DLG2: variants seen among roughly 807,000 people sequenced by gnomAD.
DLG2 encodes discs large MAGUK scaffold protein 2.
A neutral mutation model predicts 132.5 loss-of-function variants in DLG2; 45 were observed. The observed-to-expected ratio is 0.34, with a 90% confidence interval of 0.27 to 0.44. The LOEUF is 0.44. DLG2 is among the 20% of genes least tolerant of loss of function. DLG2 has a pLI of 1.00. For missense variants in DLG2, 1,045 were observed against 1,196.9 expected (o/e 0.87, Z 1.87); for synonymous variants, 424 against 419.6 (o/e 1.01, Z -0.13).
chr11:85,590,156 ATG>A (rs2079221566), intron 3 of DLG2, among the ~76,000 whole-genome samples: 1 of 152,138 alleles, frequency 6.6e-6, no homozygotes, highest in Admixed American at 6.6e-5. Context: ...CCAGAGCCTA[ATG>A]TGGTGTCTCT....
chr11:84,252,979 C>G (rs2097408722), intron 7 of DLG2, among the ~76,000 whole-genome samples: 1 of 152,102 alleles, frequency 6.6e-6, no homozygotes, highest in South Asian at 2.1e-4. Flanking sequence ...AAACAAATAG[C>G]AATCCAGCAG....
chr11:83,546,201 G>GA (rs1422867081), intron 19 of DLG2, among the ~76,000 whole-genome samples: 1 of 152,014 alleles, frequency 6.6e-6, no homozygotes, highest in Non-Finnish European at 1.5e-5. Flanking sequence ...GAGATACCTG[G>GA]GTACCCTAAC....
chr11:83,658,036 G>A (rs1054407204), intron 18 of DLG2, among the ~76,000 whole-genome samples: 3 of 152,132 alleles, frequency 2.0e-5, no homozygotes, highest in African/African-American at 7.2e-5. Flanking sequence ...AACCAGTCTT[G>A]GCTGCATGGT....
chr11:83,992,959 A>G (rs186156588), intron 11 of DLG2, among the ~76,000 whole-genome samples: 2 of 152,278 alleles, frequency 1.3e-5, no homozygotes, highest in African/African-American at 4.8e-5. Flanking sequence ...AATTGCTTAG[A>G]GAATTGCATA....
chr11:84,557,019 T>G (rs1457830377), intron 6 of DLG2, among the ~76,000 whole-genome samples: 1 of 152,174 alleles, frequency 6.6e-6, no homozygotes, highest in Non-Finnish European at 1.5e-5. Flanking sequence ...TCCCCTGAGG[T>G]AATTGTGGAA....
intron 4 of DLG2, among the ~76,000 whole-genome samples, chr11:85,269,714 C>T (rs981219065): frequency 2.6e-5 from 4 of 152,122 alleles, no homozygotes; most frequent in African/African-American, 9.7e-5. Flanking sequence ...GCCAAGCCCA[C>T]ACAAAGAGAG....
At chr11:83,581,105 T>A (rs909790554) in intron 19 of DLG2, among the ~76,000 whole-genome samples, 1 of 151,786 alleles carries the variant, frequency 6.6e-6, no homozygotes, top group African/African-American at 2.4e-5. Flanking sequence ...AACCTCCAAA[T>A]GAAGAGGGTG....
At chr11:83,840,253 C>G (rs2057252394) in intron 16 of DLG2, among the ~76,000 whole-genome samples, 1 of 152,192 alleles carries the variant, frequency 6.6e-6, no homozygotes. Flanking sequence ...CTCATACCTT[C>G]TTCTCAAGAA....
intron 11 of DLG2, among the ~76,000 whole-genome samples, chr11:84,027,891 G>C (rs1030507697): frequency 2.6e-5 from 4 of 151,880 alleles, no homozygotes; most frequent in Non-Finnish European, 4.4e-5. Flanking sequence ...TAAAATGTTT[G>C]TATATTTGAT....
At chr11:84,080,656 C>G (rs973310978) in intron 10 of DLG2, among the ~76,000 whole-genome samples, 4 of 152,064 alleles carry the variant, frequency 2.6e-5, no homozygotes, top group African/African-American at 7.2e-5. Context: ...ACAGGGGAAA[C>G]AGCTAATAAT....
At chr11:84,694,820 G>C (rs754801814) in intron 6 of DLG2, among the ~76,000 whole-genome samples, 1 of 151,506 alleles carries the variant, frequency 6.6e-6, no homozygotes, top group Non-Finnish European at 1.5e-5. Context: ...TTGTAATACA[G>C]AGTGGGGGTG....
chr11:83,965,033 T>A (rs546245249), intron 13 of DLG2, among the ~76,000 whole-genome samples: 1 of 152,112 alleles, frequency 6.6e-6, no homozygotes, highest in East Asian at 1.9e-4. Flanking sequence ...TTTAGGAGCT[T>A]GAGAAATAGC....
intron 7 of DLG2, among the ~76,000 whole-genome samples, chr11:84,412,678 ACT>A (rs2098913148): frequency 6.6e-6 from 1 of 152,162 alleles, no homozygotes; most frequent in Admixed American, 6.6e-5. Context: ...ACCCTTCCTT[ACT>A]GGCTGTTCCC....
intron 6 of DLG2, among the ~76,000 whole-genome samples, chr11:85,049,298 G>A (rs1011713714): frequency 1.3e-5 from 2 of 151,930 alleles, no homozygotes; most frequent in African/African-American, 4.8e-5. Context: ...GTAGATTTTA[G>A]GAGTATTTAA....
intron 18 of DLG2, among the ~76,000 whole-genome samples, chr11:83,712,295 G>A (rs2153664991): frequency 6.6e-6 from 1 of 152,228 alleles, no homozygotes; most frequent in Admixed American, 6.5e-5. Flanking sequence ...TAAAGAAAAT[G>A]TCGTACATAT....
At chr11:85,277,252 T>C (rs1309810371) in intron 4 of DLG2, among the ~76,000 whole-genome samples, 1 of 152,158 alleles carries the variant, frequency 6.6e-6, no homozygotes, top group African/African-American at 2.4e-5. Context: ...GAAGACCAGT[T>C]AAAGCTTGTT....
chr11:85,200,074 C>T lies in DLG2; in HGVS notation c.187-45423G>A, dbSNP rs186274372. Among the ~76,000 whole-genome samples, 350 of 152,100 alleles carry T rather than the reference C, an allele frequency of 2.3e-3. 2 individuals carry two copies. The highest frequency in any genetic ancestry group is 8.1e-3 in the African/African-American group (337 of 41,490). ...TCACCCACATCCAAAAGTCTCTCTGCAGAAGTCTTGTGAATTCAGATAGGA... is the reference window on the plus strand; with the variant it reads ...TCACCCACATCCAAAAGTCTCTCTGTAGAAGTCTTGTGAATTCAGATAGGA... On this transcript the variant is annotated intron_variant, in intron 4 of 27. Coordinates refer to ENST00000376104, the MANE Select transcript of DLG2 (RefSeq NM_001142699.3).
intron 4 of DLG2, among the ~76,000 whole-genome samples, chr11:85,215,573 C>T (rs1034855973): frequency 5.9e-5 from 9 of 152,186 alleles, no homozygotes; most frequent in African/African-American, 1.2e-4. Context: ...TTATAGGAGA[C>T]GATTCTAGAC....
chr11:85,288,809 C>T (rs1455030730), intron 3 of DLG2, among the ~76,000 whole-genome samples: 3 of 151,982 alleles, frequency 2.0e-5, no homozygotes, highest in African/African-American at 4.8e-5. Context: ...TTCTCTGTAT[C>T]GTTTTATAGG....
Sources: gnomAD v4.1 joint callset for allele counts (sites outside exome capture counted in the v4.1 genomes callset) on GRCh38, gnomAD v4.1.1 for gene constraint, MANE v1.5 for transcripts, NCBI Gene and HGNC (gene_info 2026-07-23, HGNC 2026-07-21) for gene names.